The following NCAPH variants were observed in gnomAD, a reference collection of about 807,000 sequenced individuals.
The protein encoded by NCAPH is non-SMC condensin I complex subunit H.
A neutral mutation model predicts 85.5 loss-of-function variants in NCAPH; 38 were observed. The observed-to-expected ratio is 0.44, with a 90% CI of 0.34 to 0.58. The LOEUF is 0.58. Ranked by LOEUF, NCAPH falls within the 20% of genes least tolerant of loss-of-function variation. The pLI, the probability that NCAPH is intolerant of heterozygous loss-of-function variation, is 0.01. For missense variants in NCAPH, 789 were observed against 916.6 expected (o/e 0.86, Z 1.80); for synonymous variants, 301 against 335.1 (o/e 0.90, Z 1.11).
intron 1 of NCAPH, among the ~76,000 whole-genome samples, chr2:96,336,546 C>T (rs2064216937): frequency 1.3e-5 from 2 of 152,164 alleles, no homozygotes; most frequent in Non-Finnish European, 2.9e-5. Context: ...AACATTGTGA[C>T]CAAGCTTAGT....
At chr2:96,365,088 A>AC (rs1337225770) in intron 13 of NCAPH, among the ~76,000 whole-genome samples, 2 of 151,650 alleles carry the variant, frequency 1.3e-5, no homozygotes, top group Non-Finnish European at 2.9e-5. Flanking sequence ...TGTACAAGCC[A>AC]CCCCCCATCT....
In NCAPH at chr2:96,341,791, C is replaced by T; in HGVS notation, c.169C>T (p.Gln57Ter). ...PGTPVLEDFP[Q>*]NDDEKERLQR... is the part of the protein sequence containing the mutation. ...CACCCCAGTCCTCGAAGACTTTCCT[C>T]AGAATGACGATGAGAAGGAGCGGCT... The change falls in exon 2 of 18, where the codon CAG (glutamine) becomes TAG (stop). Residue 57 changes from glutamine (Q) to a stop codon, truncating the protein, a stop_gained. Coordinates refer to ENST00000240423, the MANE Select transcript of NCAPH (RefSeq NM_015341.5). LOFTEE classifies it high-confidence loss of function. 4 of 1,614,014 alleles carry T rather than the reference C, an allele frequency of 2.5e-6. No homozygotes were observed. Among genetic ancestry groups the T allele is most frequent in the East Asian group, 2.2e-5 (1 of 44,890 alleles).
At chr2:96,372,325 G>A (rs1002830026) in intron 17 of NCAPH, among the ~76,000 whole-genome samples, 3 of 151,972 alleles carry the variant, frequency 2.0e-5, no homozygotes, top group African/African-American at 7.3e-5. Flanking sequence ...GAGGAGGTGC[G>A]CGTGGATGGG....
chr2:96,360,846 C>A (rs1435039919), intron 12 of NCAPH, 136 bp downstream of exon 12: 31 of 1,114,934 alleles, frequency 2.8e-5, no homozygotes, highest in Non-Finnish European at 3.8e-5. Context: ...GCCAGGAAAT[C>A]AAATAGATAA....
chr2:96,342,261 G>T, intron 3 of NCAPH, 121 bp downstream of exon 3: 1 of 970,736 alleles, frequency 1.0e-6, no homozygotes. Flanking sequence ...AGTCATCTTA[G>T]TGCTGGTGGT....
intron 1 of NCAPH, among the ~76,000 whole-genome samples, chr2:96,336,987 A>G (rs944448328): frequency 6.6e-6 from 1 of 152,236 alleles, no homozygotes; most frequent in Non-Finnish European, 1.5e-5. Context: ...AAATGACCAT[A>G]GGGTTTAGGC....
intron 8 of NCAPH, 144 bp downstream of exon 8, chr2:96,353,541 A>G (rs934046445): frequency 2.8e-6 from 2 of 713,296 alleles, no homozygotes; most frequent in Non-Finnish European, 4.8e-6. Context: ...AGGGACAAAA[A>G]CCCTGAGGGA....
At position 96,354,397 on chromosome 2, in the gene NCAPH, C is replaced by T. The variant is rs200755283; in HGVS notation, c.1208+9C>T. The T allele has an allele frequency of 7.8e-6, 12 of 1,545,016 alleles. 1 individual carries two copies. In the African/African-American group the frequency reaches 9.7e-5, roughly 12 times the overall value. Reference sequence around the variant, plus strand: ...CAGGTTCAGAGCTGCCAGTAAGGCTCTCAGAGTCCGAAAGTGTTTCTATAG... The same window carrying T: ...CAGGTTCAGAGCTGCCAGTAAGGCTTTCAGAGTCCGAAAGTGTTTCTATAG... On this transcript the variant is annotated intron_variant, in intron 9 of 17. Coordinates refer to ENST00000240423, the MANE Select transcript of NCAPH (RefSeq NM_015341.5).
rs186621309 is a variant in NCAPH, at chr2:96,361,993, C to T, written c.1587+1283C>T. 2.4e-3 allele frequency among the ~76,000 whole-genome samples: 363 copies of T among 151,576 alleles called. 2 individuals carry two copies. Among genetic ancestry groups the T allele is most frequent in the African/African-American group, 8.5e-3 (350 of 41,366 alleles). On this transcript the variant is annotated intron_variant, in intron 12 of 17. Transcript: ENST00000240423. Reference sequence around the variant, plus strand: ...TCCTGGATTCAAGCAGTCATCCTGCCTCAGCCTCCCAAAGTACAGGGATTA... The same window carrying T: ...TCCTGGATTCAAGCAGTCATCCTGCTTCAGCCTCCCAAAGTACAGGGATTA...
At chr2:96,368,634 C>A (rs764028298) in intron 15 of NCAPH, among the ~76,000 whole-genome samples, 1 of 151,878 alleles carries the variant, frequency 6.6e-6, no homozygotes, top group Non-Finnish European at 1.5e-5. Flanking sequence ...TCCAGCCTGG[C>A]GACAGAGCGA....
chr2:96,374,829 A>G lies in NCAPH; in HGVS notation c.*1478A>G, dbSNP rs543723548. On this transcript the variant is annotated 3_prime_UTR_variant, in exon 18 of 18. Coordinates refer to ENST00000240423, the MANE Select transcript of NCAPH (RefSeq NM_015341.5). Reference sequence around the variant, plus strand: ...CTTTCCTTCTATTCCTGAGAGTAGAACTGGCTAAGCCCATTCCTTCCCTCA... The same window carrying G: ...CTTTCCTTCTATTCCTGAGAGTAGAGCTGGCTAAGCCCATTCCTTCCCTCA... 6.6e-6 allele frequency among the ~76,000 whole-genome samples: 1 copy of G among 152,230 alleles called. No individual in the cohort carries two copies. Among genetic ancestry groups the G allele is most frequent in the South Asian group, 2.1e-4 (1 of 4,816 alleles).
At chr2:96,366,130 C>A in intron 14 of NCAPH, 72 bp downstream of exon 14, 1 of 1,490,154 alleles carries the variant, frequency 6.7e-7, no homozygotes, top group Non-Finnish European at 9.2e-7. Context: ...ATGAGAGTCA[C>A]GCAATCTGAG....
chr2:96,371,407 A>G (rs903289970), intron 17 of NCAPH, among the ~76,000 whole-genome samples: 1 of 152,164 alleles, frequency 6.6e-6, no homozygotes, highest in African/African-American at 2.4e-5. Context: ...GTGTGTCTCC[A>G]CAGAAACCTG....
chr2:96,369,032 C>A lies in NCAPH; in HGVS notation c.2059C>A (p.Leu687Ile). 4 of 1,556,186 alleles carry A rather than the reference C, an allele frequency of 2.6e-6. No homozygotes were observed. The highest frequency in any genetic ancestry group is 3.5e-6 in the Non-Finnish European group (4 of 1,149,414). ...GGCAGAAGTGGCTGACGAGAAGATG[C>A]TTAGCGGGCTCACGAAGGACCTGCA... The part of the protein sequence containing the change: ...ALAEVADEKM[L>I]SGLTKDLQRS... The change falls in exon 16 of 18, where the codon CTT (leucine) becomes ATT (isoleucine). Residue 687 changes from leucine to isoleucine, a missense_variant. Transcript: ENST00000240423.
chr2:96,367,509 A>C, intron 15 of NCAPH, 136 bp downstream of exon 15: 1 of 603,128 alleles, frequency 1.7e-6, no homozygotes, highest in South Asian at 1.9e-5. Flanking sequence ...GGAGCTGGGC[A>C]TGGTGGCTCA....
At chr2:96,370,871 G>A (rs1329311230) in intron 17 of NCAPH, among the ~76,000 whole-genome samples, 1 of 152,148 alleles carries the variant, frequency 6.6e-6, no homozygotes, top group African/African-American at 2.4e-5. Context: ...CCTTGGGAAT[G>A]GTTTTAACCC....
intron 13 of NCAPH, among the ~76,000 whole-genome samples, chr2:96,365,108 G>A (rs141642489): frequency 4.4e-4 from 67 of 152,120 alleles, no homozygotes; most frequent in East Asian, 3.5e-3. Flanking sequence ...TTTAGATCAC[G>A]GTTTAGACTA....
chr2:96,339,974 G>A (rs573981775), intron 1 of NCAPH, among the ~76,000 whole-genome samples: 1 of 152,146 alleles, frequency 6.6e-6, no homozygotes, highest in East Asian at 1.9e-4. Flanking sequence ...CCCGGCTAGA[G>A]TGTAGTGGCG....
chr2:96,366,035 A>G lies in NCAPH; in HGVS notation c.1858A>G (p.Asn620Asp), dbSNP rs2064693982. ...GLDITTYGESNLVAEPQKVNK... is the reference protein window; with the variant it reads ...GLDITTYGESDLVAEPQKVNK... ...AGACATCACAACATATGGGGAGTCA[A>G]ACTTGGTAGCTGAGCCTCAGAAGGT... The change falls in exon 14 of 18, where the codon AAC (asparagine) becomes GAC (aspartate). Residue 620 changes from asparagine to aspartate, a missense_variant. Physicochemically the swap from Asn to Asp is conservative, Grantham distance 23. Coordinates refer to ENST00000240423, the MANE Select transcript of NCAPH (RefSeq NM_015341.5). 6.2e-7 allele frequency: 1 copy of G among 1,614,220 alleles called. No individual in the cohort carries two copies. The highest frequency in any genetic ancestry group is 8.5e-7 in the Non-Finnish European group (1 of 1,180,030).
Sources: allele counts gnomAD v4.1 joint callset (sites outside exome capture counted in the v4.1 genomes callset), GRCh38; gene constraint gnomAD v4.1.1; transcripts MANE v1.5; gene names NCBI Gene and HGNC (gene_info 2026-07-23, HGNC 2026-07-21).